PDE10A: variants seen among roughly 807,000 people sequenced by gnomAD.
PDE10A encodes phosphodiesterase 10A.
In PDE10A, 39 loss-of-function variants were observed where a neutral mutation model predicts 97.7. The observed-to-expected ratio is 0.40, with a 90% CI of 0.31 to 0.52. The LOEUF (loss-of-function observed/expected upper bound fraction) is 0.52, where lower values mean the gene tolerates loss of function less well. Among genes scored for constraint, PDE10A ranks in the 20% least tolerant of loss-of-function variants. The pLI is 0.56. For missense variants in PDE10A, 731 were observed against 1,047.8 expected (o/e 0.70, Z 4.17); for synonymous variants, 371 against 376.8 (o/e 0.98, Z 0.18).
Position 165,332,008 on chromosome 6 carries a change from T to A in PDE10A, c.*1017A>T, listed in dbSNP as rs1174808261. ...GTCAGAGTAAAATTACAAAATACAC[T>A]TTTTATGGTTTGATGTTTAAAAGAG... On this transcript the variant is annotated 3_prime_UTR_variant, in exon 22 of 22. Transcript: ENST00000539869. The A allele has an allele frequency of 1.3e-5, 2 of 152,208 alleles. No homozygotes were observed. 9.4% of individuals were successfully genotyped at this position (152,208 alleles called of 1,614,324 possible).
intron 1 of PDE10A, chr6:165,775,088 C>T (rs1384802827): frequency 6.6e-6 from 1 of 152,116 alleles, no homozygotes; most frequent in Non-Finnish European, 1.5e-5. Context: ...ATCACTGGCC[C>T]TCTTCAGAAA....
intron 1 of PDE10A, chr6:165,660,839 C>T (rs963155955): frequency 6.6e-6 from 1 of 152,144 alleles, no homozygotes; most frequent in African/African-American, 2.4e-5. Flanking sequence ...CGCTCTGGGC[C>T]GCGGGAAGCC....
chr6:165,961,243 T>C (rs1370932281), intron 1 of PDE10A, among the ~76,000 whole-genome samples: 2 of 152,122 alleles, frequency 1.3e-5, no homozygotes, highest in Non-Finnish European at 2.9e-5. Flanking sequence ...AAAAAACAAA[T>C]AGGATGTCAC....
At chr6:165,539,719 G>T (rs1013841306) in intron 2 of PDE10A, among the ~76,000 whole-genome samples, 1 of 151,980 alleles carries the variant, frequency 6.6e-6, no homozygotes, top group Non-Finnish European at 1.5e-5. Flanking sequence ...TCAGGATTGG[G>T]AGACCAAGCT....
At chr6:165,873,889 T>C (rs1319254086) in intron 1 of PDE10A, among the ~76,000 whole-genome samples, 1 of 152,228 alleles carries the variant, frequency 6.6e-6, no homozygotes, top group African/African-American at 2.4e-5. Flanking sequence ...ATTTAAGAAT[T>C]TAAAGTATGT....
intron 1 of PDE10A, among the ~76,000 whole-genome samples, chr6:165,759,655 C>T (rs1793205708): frequency 6.6e-6 from 1 of 152,196 alleles, no homozygotes; most frequent in Non-Finnish European, 1.5e-5. Context: ...CTGAGGACAA[C>T]TTCCAACCAA....
chr6:165,597,927 G>GCTC (rs1458994141), intron 1 of PDE10A, among the ~76,000 whole-genome samples: 2 of 152,310 alleles, frequency 1.3e-5, no homozygotes, highest in East Asian at 3.9e-4. Flanking sequence ...GGTCAGCTGT[G>GCTC]TGTGACCCAC....
rs557108349 is a variant in PDE10A, at chr6:165,605,118, T to C, written c.865+56829A>G. On this transcript the variant is annotated intron_variant, in intron 1 of 21. Transcript: ENST00000539869. ...CTTCATTTTGCTCATACCTGTTCTC[T>C]TTCCATCTCCTCTGCCTGAATTTAA... is the stretch of plus-strand genomic sequence containing the variant. 5.9e-4 allele frequency among the ~76,000 whole-genome samples: 90 copies of C among 152,306 alleles called. 1 individual carries two copies. Among genetic ancestry groups the C allele is most frequent in the African/African-American group, 2.2e-3 (90 of 41,554 alleles).
In PDE10A at chr6:165,467,455, T is replaced by TA. The variant is rs569027425; in HGVS notation, c.1023+14859dup. Among the ~76,000 whole-genome samples, 9 of 152,304 alleles carry TA rather than the reference T, an allele frequency of 5.9e-5. No individual in the cohort carries two copies. The South Asian group carries it at 1.7e-3, about 28-fold the overall frequency. On this transcript the variant is annotated intron_variant, in intron 3 of 21. Coordinates refer to ENST00000539869, the MANE Select transcript of PDE10A (RefSeq NM_001385079.1). Reference sequence around the variant, plus strand: ...TAGTGACAAATGCTGCTGATGACTTTAAGTTGAATCTAAGGCTCAGTGACC... The same window carrying TA: ...TAGTGACAAATGCTGCTGATGACTTTAAAGTTGAATCTAAGGCTCAGTGACC...
At chr6:165,814,861 C>T (rs751619297) in intron 1 of PDE10A, among the ~76,000 whole-genome samples, 14 of 152,028 alleles carry the variant, frequency 9.2e-5, no homozygotes, top group Middle Eastern at 3.4e-3. Context: ...GCGTCAGTTC[C>T]GTTCCTCTGC....
chr6:165,420,280 G>C (rs1026689446), intron 10 of PDE10A, among the ~76,000 whole-genome samples: 44 of 152,270 alleles, frequency 2.9e-4, no homozygotes, highest in African/African-American at 9.9e-4. Flanking sequence ...CAACAGCAGA[G>C]TTGAGTAGCT....
intron 1 of PDE10A, among the ~76,000 whole-genome samples, chr6:165,620,412 C>G (rs535170108): frequency 2.6e-5 from 4 of 152,170 alleles, no homozygotes. Context: ...GAGCAATTTC[C>G]CACCAGCCTT....
chr6:165,958,742 AGAAAGAGAAAGAAAGAAAGAAAGAAG>A (rs1167149540), intron 1 of PDE10A, among the ~76,000 whole-genome samples: 1 of 14,784 alleles, frequency 6.8e-5, no homozygotes, highest in African/African-American at 3.0e-4. Flanking sequence ...AAAGAAAGAA[AGAAAGAGAAAGAAAGAAAGAAAGAAG>A]AAAGCAAGCC....
chr6:165,508,597 A>G (rs1169618676), intron 2 of PDE10A, among the ~76,000 whole-genome samples: 1 of 151,998 alleles, frequency 6.6e-6, no homozygotes, highest in Non-Finnish European at 1.5e-5. Flanking sequence ...ATAACTTTTA[A>G]GAAACTGCCA....
At chr6:165,643,982 A>C (rs1014144108) in intron 1 of PDE10A, among the ~76,000 whole-genome samples, 4 of 152,220 alleles carry the variant, frequency 2.6e-5, no homozygotes, top group Admixed American at 2.6e-4. Context: ...TCAATTAAAA[A>C]ATATATTTTT....
chr6:165,498,317 G>A (rs933963419), intron 2 of PDE10A, among the ~76,000 whole-genome samples: 3 of 151,012 alleles, frequency 2.0e-5, no homozygotes, highest in African/African-American at 7.3e-5. Context: ...GGCTGAGGCA[G>A]TAGACTGTGG....
At chr6:165,360,755 T>C (rs557580301) in intron 18 of PDE10A, among the ~76,000 whole-genome samples, 239 of 152,280 alleles carry the variant, frequency 1.6e-3, no homozygotes, top group African/African-American at 5.6e-3. Flanking sequence ...CTCCCCCAAA[T>C]ACTGTTGTTG....
intron 1 of PDE10A, among the ~76,000 whole-genome samples, chr6:165,888,958 C>T (rs1202061802): frequency 6.6e-6 from 1 of 152,220 alleles, no homozygotes; most frequent in Non-Finnish European, 1.5e-5. Context: ...AGAAGTCCTG[C>T]AATCACAGCC....
intron 1 of PDE10A, among the ~76,000 whole-genome samples, chr6:165,926,992 T>A (rs1184704645): frequency 6.7e-6 from 1 of 150,010 alleles, no homozygotes; most frequent in Admixed American, 6.8e-5. Context: ...AAAAAGCACA[T>A]GCTATGTTCT....
Sources: gnomAD v4.1 joint callset for allele counts (sites outside exome capture counted in the v4.1 genomes callset) on GRCh38, gnomAD v4.1.1 for gene constraint, MANE v1.5 for transcripts, NCBI Gene and HGNC (gene_info 2026-07-23, HGNC 2026-07-21) for gene names.